Variants in SEMA6D observed in about 807,000 individuals in gnomAD.
SEMA6D encodes semaphorin-6D.
In SEMA6D, 35 loss-of-function variants were observed where a neutral mutation model predicts 106.6. The observed-to-expected ratio is 0.33, with a 90% confidence interval of 0.25 to 0.44. The LOEUF (loss-of-function observed/expected upper bound fraction) is 0.44. Among genes scored for constraint, SEMA6D ranks in the 20% least tolerant of loss-of-function variants. SEMA6D has a pLI of 1.00. For missense variants in SEMA6D, 1,185 were observed against 1,345.9 expected (o/e 0.88, Z 1.87); for synonymous variants, 499 against 487.7 (o/e 1.02, Z -0.31).
chr15:47,726,273 T>C (rs1049044485), intron 1 of SEMA6D, among the ~76,000 whole-genome samples: 4 of 152,286 alleles, frequency 2.6e-5, no homozygotes, highest in African/African-American at 9.6e-5. Context: ...ATCCTCACTC[T>C]ACCTCTGGGA....
intron 1 of SEMA6D, among the ~76,000 whole-genome samples, chr15:47,370,850 A>G (rs1471142455): frequency 6.6e-6 from 1 of 152,152 alleles, no homozygotes; most frequent in Non-Finnish European, 1.5e-5. Flanking sequence ...TGGGTGACAG[A>G]GCGAGACTCC....
intron 1 of SEMA6D, among the ~76,000 whole-genome samples, chr15:47,250,828 C>T (rs1321151761): frequency 6.6e-6 from 1 of 152,190 alleles, no homozygotes; most frequent in Non-Finnish European, 1.5e-5. Context: ...TGTGGAAACT[C>T]TAGCATGAAT....
At chr15:47,758,859 G>C (rs1362570462) in intron 1 of SEMA6D, among the ~76,000 whole-genome samples, 2 of 152,114 alleles carry the variant, frequency 1.3e-5, no homozygotes, top group African/African-American at 4.8e-5. Context: ...GCCTTAACTA[G>C]CTCCACACAA....
At position 47,762,292 on chromosome 15, in the gene SEMA6D, A is replaced by G; in HGVS notation, c.631A>G (p.Ile211Val). The G allele has an allele frequency of 6.2e-7, 1 of 1,613,606 alleles. No homozygotes were observed. Among genetic ancestry groups the G allele is most frequent in the Non-Finnish European group, 8.5e-7 (1 of 1,179,602 alleles). ...SMGDGSALRT[I>V]KYDSKWIKEP... ...GGGTGATGGATCTGCCCTTCGCACA[A>G]TAAAATATGATTCCAAATGGATAAA... The change falls in exon 8 of 19, where the codon ATA (isoleucine) becomes GTA (valine). Residue 211 changes from isoleucine to valine, a missense_variant. Ile to Val is a conservative substitution (Grantham distance 29). Transcript: ENST00000536845.
chr15:47,207,993 G>GCACA (rs57079521), intron 1 of SEMA6D, among the ~76,000 whole-genome samples: 3,762 of 89,130 alleles, frequency 0.042, 102 homozygotes, highest in South Asian at 0.049. Flanking sequence ...TGGCGCGCGC[G>GCACA]CACACACACA....
chr15:47,315,032 A>T (rs908738309), intron 1 of SEMA6D, among the ~76,000 whole-genome samples: 1 of 150,180 alleles, frequency 6.7e-6, no homozygotes, highest in Non-Finnish European at 1.5e-5. Context: ...CGCCCGGCTA[A>T]TTTTTTTGTA....
intron 3 of SEMA6D, among the ~76,000 whole-genome samples, chr15:47,478,426 G>A (rs955976591): frequency 1.3e-5 from 2 of 152,096 alleles, no homozygotes; most frequent in Non-Finnish European, 2.9e-5. Context: ...GTCAACAAAG[G>A]GCAATAACAG....
chr15:47,606,888 G>A (rs570253428), intron 4 of SEMA6D, among the ~76,000 whole-genome samples: 2 of 152,122 alleles, frequency 1.3e-5, no homozygotes, highest in Non-Finnish European at 2.9e-5. Flanking sequence ...ACTTCTGAAG[G>A]CAACCTCTGG....
At chr15:47,421,500 G>C (rs953993639) in intron 2 of SEMA6D, among the ~76,000 whole-genome samples, 4 of 151,984 alleles carry the variant, frequency 2.6e-5, no homozygotes, top group Admixed American at 1.3e-4. Context: ...TCTACTCCTT[G>C]GTTTTGGCTT....
chr15:47,219,741 G>A (rs749876552), intron 1 of SEMA6D, among the ~76,000 whole-genome samples: 2 of 152,208 alleles, frequency 1.3e-5, no homozygotes, highest in Non-Finnish European at 2.9e-5. Flanking sequence ...CAAAAGCGGT[G>A]TTTGAAAATA....
intron 4 of SEMA6D, among the ~76,000 whole-genome samples, chr15:47,654,564 C>T (rs983616090): frequency 6.6e-6 from 1 of 152,124 alleles, no homozygotes; most frequent in South Asian, 2.1e-4. Context: ...AATTGTAATT[C>T]CCAATGTTGG....
chr15:47,432,766 A>G (rs949445440), intron 2 of SEMA6D, among the ~76,000 whole-genome samples: 2 of 152,120 alleles, frequency 1.3e-5, no homozygotes, highest in African/African-American at 2.4e-5. Context: ...ACTCCTAATT[A>G]TGATCTGAGC....
chr15:47,336,629 A>G (rs2037567621), intron 1 of SEMA6D, among the ~76,000 whole-genome samples: 1 of 152,154 alleles, frequency 6.6e-6, no homozygotes, highest in South Asian at 2.1e-4. Flanking sequence ...TCTAATAGGG[A>G]CGGCAGTGTC....
chr15:47,760,096 T>C (rs1454382878), intron 2 of SEMA6D, 189 bp downstream of exon 2: 1 of 636,854 alleles, frequency 1.6e-6, no homozygotes, highest in Non-Finnish European at 2.7e-6. Flanking sequence ...GGTGCTTTTC[T>C]ACAGCAACCT....
chr15:47,650,860 A>C (rs564193768), intron 4 of SEMA6D, among the ~76,000 whole-genome samples: 1 of 152,224 alleles, frequency 6.6e-6, no homozygotes, highest in South Asian at 2.1e-4. Flanking sequence ...ATTTCCTGAC[A>C]TGGTATAAGA....
intron 3 of SEMA6D, among the ~76,000 whole-genome samples, chr15:47,514,813 C>A (rs2044337585): frequency 6.6e-6 from 1 of 152,158 alleles, no homozygotes; most frequent in Non-Finnish European, 1.5e-5. Context: ...TTACAATGGT[C>A]AGAAATCCTC....
chr15:47,404,439 GT>G (rs11311852), intron 1 of SEMA6D, among the ~76,000 whole-genome samples: 57,581 of 151,980 alleles, frequency 0.38, 11,325 homozygotes, highest in Middle Eastern at 0.55. Flanking sequence ...TCCAGCTCCA[GT>G]TGCTGCTGGT....
At chr15:47,695,808 T>C (rs1316054620) in intron 4 of SEMA6D, among the ~76,000 whole-genome samples, 1 of 152,208 alleles carries the variant, frequency 6.6e-6, no homozygotes, top group Non-Finnish European at 1.5e-5. Context: ...ATTTTATATA[T>C]TCTGGAGCAT....
chr15:47,557,655 C>G (rs1173322113), intron 3 of SEMA6D, among the ~76,000 whole-genome samples: 2 of 152,280 alleles, frequency 1.3e-5, no homozygotes, highest in Admixed American at 1.3e-4. Context: ...GTACACTTCA[C>G]AGAGAGTGTA....
Sources: gnomAD v4.1 joint callset for allele counts (sites outside exome capture counted in the v4.1 genomes callset) on GRCh38, gnomAD v4.1.1 for gene constraint, MANE v1.5 for transcripts, NCBI Gene and HGNC (gene_info 2026-07-23, HGNC 2026-07-21) for gene names.